Variants in PHYHIP observed in about 807,000 individuals in gnomAD.
The protein encoded by PHYHIP is phytanoyl-CoA 2-hydroxylase interacting protein.
A neutral mutation model predicts 26.1 loss-of-function variants in PHYHIP; 7 were observed. That is an observed-to-expected ratio of 0.27 (90% CI 0.15 to 0.50). The LOEUF is 0.50. PHYHIP is among the 20% of genes least tolerant of loss of function. The pLI is 0.98. For missense variants in PHYHIP, 232 were observed against 454.7 expected, an observed-to-expected ratio of 0.51 and a Z score of 4.45; for synonymous variants, 206 against 183.4, an observed-to-expected ratio of 1.12 and a Z score of -1.00.
At chr8:22,225,596 A>G (rs1171692617) in intron 3 of PHYHIP, among the ~76,000 whole-genome samples, 1 of 150,194 alleles carries the variant, frequency 6.7e-6, no homozygotes, top group African/African-American at 2.5e-5. Context: ...GGAGTTCAAG[A>G]TCAGCCTGGC....
intron 3 of PHYHIP, among the ~76,000 whole-genome samples, chr8:22,224,984 G>A (rs1337320667): frequency 6.6e-6 from 1 of 152,164 alleles, no homozygotes; most frequent in African/African-American, 2.4e-5. Flanking sequence ...ACAGCTCCTT[G>A]GTACAAATTA....
In PHYHIP at chr8:22,226,848, C is replaced by T; in HGVS notation, c.340+3G>A. The T allele has an allele frequency of 6.2e-7, 1 of 1,610,174 alleles. No individual in the cohort carries two copies. The highest frequency in any genetic ancestry group is 8.5e-7 in the Non-Finnish European group (1 of 1,177,814). ...GGACAGGGGTGTGATAGCAGGGCCT[C>T]ACCCCCAGTGCAGAACTCCACCGTC... On this transcript the variant is annotated splice_donor_region_variant and intron_variant, in intron 3 of 4. Transcript: ENST00000454243.
chr8:22,228,174 C>A lies in PHYHIP; in HGVS notation c.165+19G>T. On this transcript the variant is annotated intron_variant, in intron 2 of 4. Coordinates refer to ENST00000454243, the MANE Select transcript of PHYHIP (RefSeq NM_014759.5). Reference sequence around the variant, plus strand: ...GGAACAGAAGCTGGGGAGGGGCTCCCAGGACACCTTCTACTCACCCGGTGC... The same window carrying A: ...GGAACAGAAGCTGGGGAGGGGCTCCAAGGACACCTTCTACTCACCCGGTGC... The A allele has an allele frequency of 6.2e-7, 1 of 1,611,072 alleles. No homozygotes were observed. The highest frequency in any genetic ancestry group is 1.1e-5 in the South Asian group (1 of 90,878).
intron 1 of PHYHIP, among the ~76,000 whole-genome samples, 173 bp downstream of exon 1, chr8:22,231,623 A>C (rs1473088740): frequency 6.6e-6 from 1 of 150,924 alleles, no homozygotes; most frequent in African/African-American, 2.4e-5. Flanking sequence ...CAGAGACTGG[A>C]TTCAGCCATT....
intron 3 of PHYHIP, among the ~76,000 whole-genome samples, chr8:22,224,663 G>A (rs536371178): frequency 6.6e-6 from 1 of 152,286 alleles, no homozygotes; most frequent in African/African-American, 2.4e-5. Flanking sequence ...GTGATCCCAG[G>A]CCATCCTCAT....
In PHYHIP at chr8:22,220,622, G is replaced by A. The variant is rs890284320; in HGVS notation, c.*731C>T. On this transcript the variant is annotated 3_prime_UTR_variant, in exon 5 of 5. Transcript: ENST00000454243. ...ACCCCTGCACTCTAAGCAAGGAGAA[G>A]GTATGCTGGGGTATGGAAGGAAGGA... The A allele has an allele frequency of 2.6e-5, 4 of 152,276 alleles. No homozygotes were observed. The highest frequency in any genetic ancestry group is 9.7e-5 in the African/African-American group (4 of 41,426). 9.4% of individuals were successfully genotyped at this position (152,276 alleles called of 1,614,324 possible).
intron 4 of PHYHIP, 38 bp downstream of exon 4, chr8:22,224,188 G>C: frequency 8.3e-7 from 1 of 1,210,176 alleles, no homozygotes; most frequent in Non-Finnish European, 1.2e-6. Context: ...GGAGGGAGGA[G>C]AGGCCCGGCG....
chr8:22,231,397 CAT>C (rs1164885482), intron 1 of PHYHIP, among the ~76,000 whole-genome samples: 2 of 152,250 alleles, frequency 1.3e-5, no homozygotes, highest in African/African-American at 2.4e-5. Context: ...AAAACCCACA[CAT>C]GAGCATGACT....
intron 4 of PHYHIP, among the ~76,000 whole-genome samples, chr8:22,223,360 CAAA>C (rs750178076): frequency 1.3e-4 from 8 of 62,058 alleles, no homozygotes; most frequent in African/African-American, 2.4e-4. Flanking sequence ...GACGCCATCT[CAAA>C]AAAAAAAAAA....
At position 22,221,615 on chromosome 8, in the gene PHYHIP, G is replaced by C; in HGVS notation, c.731C>G (p.Ser244Cys). ...GTCGCGGCAGAAGCGGTCCCCCAGG[G>C]AGCCTTTGGGCGCCAGCACCAGGAT... is the stretch of plus-strand genomic sequence containing the variant. ...YAILVLAPKG[S>C]LGDRFCRDRL... Residue 244 changes from serine to cysteine, a missense_variant, in exon 5 of 5, where the codon TCC becomes TGC. Coordinates refer to ENST00000454243, the MANE Select transcript of PHYHIP (RefSeq NM_014759.5). This position sits in a 1 kb window ranked among gnomAD's most constrained non-coding sequence, Gnocchi z 7.9. 1.2e-6 allele frequency: 2 copies of C among 1,613,780 alleles called. No homozygotes were observed. Among genetic ancestry groups the C allele is most frequent in the Non-Finnish European group, 1.7e-6 (2 of 1,179,912 alleles).
intron 2 of PHYHIP, 24 bp from the exon 3 acceptor site, chr8:22,227,049 G>A (rs749376323): frequency 1.3e-6 from 2 of 1,589,956 alleles, no homozygotes; most frequent in East Asian, 2.2e-5. Context: ...TACAAACAGA[G>A]AGCCAGGCGT....
intron 4 of PHYHIP, chr8:22,223,972 C>A (rs1829689401): frequency 2.2e-6 from 1 of 448,624 alleles, no homozygotes; most frequent in Admixed American, 3.8e-5. Context: ...AAACCCAGAC[C>A]TCATTCTCCC....
Position 22,221,301 on chromosome 8 carries a change from C to T in PHYHIP, c.*52G>A. 6.7e-7 allele frequency: 1 copy of T among 1,496,750 alleles called. No homozygotes were observed. The highest frequency in any genetic ancestry group is 9.0e-7 in the Non-Finnish European group (1 of 1,116,858). The allele number at this position is 1,496,750 out of a possible 1,614,324, so 92.7% of individuals were successfully genotyped here. On this transcript the variant is annotated 3_prime_UTR_variant, in exon 5 of 5. Coordinates refer to ENST00000454243, the MANE Select transcript of PHYHIP (RefSeq NM_014759.5). This position sits in a 1 kb window ranked among gnomAD's most constrained non-coding sequence, Gnocchi z 7.9. The stretch of plus-strand genomic sequence containing the variant: ...GCCAGCTCCCTGAACCTGGGCTACC[C>T]ACCTCCACCTTCCGCTCATCTCTCC...
intron 2 of PHYHIP, chr8:22,227,592 G>A: frequency 2.2e-6 from 1 of 456,364 alleles, no homozygotes; most frequent in Non-Finnish European, 4.4e-6. Context: ...TGAGAGGATG[G>A]GGGTCTTCCT....
intron 2 of PHYHIP, among the ~76,000 whole-genome samples, chr8:22,227,853 C>T (rs953209980): frequency 9.2e-5 from 14 of 152,374 alleles, no homozygotes; most frequent in African/African-American, 3.1e-4. Flanking sequence ...GCGAAGCCTG[C>T]GGCCCCACCC....
intron 4 of PHYHIP, 68 bp downstream of exon 4, chr8:22,224,158 G>C: frequency 1.1e-6 from 1 of 943,122 alleles, no homozygotes; most frequent in Non-Finnish European, 1.7e-6. Flanking sequence ...AGACAGCCAG[G>C]ACAGGAGCAG....
intron 3 of PHYHIP, among the ~76,000 whole-genome samples, chr8:22,225,135 A>C (rs1829716800): frequency 6.6e-6 from 1 of 152,114 alleles, no homozygotes; most frequent in South Asian, 2.1e-4. Flanking sequence ...GTAAACCAAG[A>C]AGCTTTCCCC....
In PHYHIP at chr8:22,226,796, C is replaced by A. The variant is rs1829754956; in HGVS notation, c.340+55G>T. ...CTACGAGGAAGACCCGCCTTGACCA[C>A]AGCAAAGCCCGACGTGCCAAGCAGC... is the stretch of plus-strand genomic sequence containing the variant. On this transcript the variant is annotated intron_variant, in intron 3 of 4. Coordinates refer to ENST00000454243, the MANE Select transcript of PHYHIP (RefSeq NM_014759.5). 4 of 1,530,124 alleles carry A rather than the reference C, an allele frequency of 2.6e-6. No individual in the cohort carries two copies. The Admixed American group carries it at 7.1e-5, about 27-fold the overall frequency. The allele number at this position is 1,530,124 out of a possible 1,614,324, so 94.8% of individuals were successfully genotyped here.
At chr8:22,223,985 G>C (rs77958187) in intron 4 of PHYHIP, 14,505 of 477,844 alleles carry the variant, frequency 0.03, 1,723 homozygotes, top group African/African-American at 0.26. Context: ...ATTCTCCCAG[G>C]CTCATTAGTA....
Sources: gnomAD v4.1 joint callset for allele counts (sites outside exome capture counted in the v4.1 genomes callset) on GRCh38, gnomAD v4.1.1 for gene constraint, Gnocchi (gnomAD v3.1) non-coding constraint, MANE v1.5 for transcripts, NCBI Gene and HGNC (gene_info 2026-07-23, HGNC 2026-07-21) for gene names.